The following OIT3 variants were observed in gnomAD, a reference collection of about 807,000 sequenced individuals.
OIT3 encodes oncoprotein induced transcript 3.
Under a neutral mutation model 52.2 loss-of-function variants are expected in OIT3, and 41 were observed. That is an observed-to-expected ratio of 0.79 (90% CI 0.61 to 1.02). The LOEUF (loss-of-function observed/expected upper bound fraction) is 1.02, where lower values mean the gene tolerates loss of function less well. Among genes scored for constraint, OIT3 ranks in the 50% least tolerant of loss-of-function variants. The pLI is 0.00. For missense variants in OIT3, 634 were observed against 715.5 expected (o/e 0.89, Z 1.30); for synonymous variants, 244 against 276.9 (o/e 0.88, Z 1.18).
intron 1 of OIT3, among the ~76,000 whole-genome samples, chr10:72,897,512 T>C (rs1003044288): frequency 6.6e-6 from 1 of 152,226 alleles, no homozygotes; most frequent in Non-Finnish European, 1.5e-5. Flanking sequence ...GTAAAATATA[T>C]ACCAAAATTC....
chr10:72,898,768 AATGGGG>A lies in OIT3; in HGVS notation c.168_173del (p.Asn56_Glu58delinsLys). On this transcript the variant is annotated inframe_deletion, in exon 2 of 9. Coordinates refer to ENST00000334011, the MANE Select transcript of OIT3 (RefSeq NM_152635.3). ...TCCTCCTCTATGTGACAACCATGTG[AATGGGG>A]AGTGGTACCACTTCACGGGCATGGC... 2 of 1,614,096 alleles carry A rather than the reference AATGGGG, an allele frequency of 1.2e-6. No homozygotes were observed. Among genetic ancestry groups the A allele is most frequent in the Non-Finnish European group, 8.5e-7 (1 of 1,180,004 alleles).
In OIT3 at chr10:72,924,403, C is replaced by T; in HGVS notation, c.1126C>T (p.Pro376Ser). Reference sequence around the variant, plus strand: ...ATACGTTCCCAACCTTCGAAACTCCCCACTGGAAATCATGAGCCGAAATCA... The same window carrying T: ...ATACGTTCCCAACCTTCGAAACTCCTCACTGGAAATCATGAGCCGAAATCA... ...EGYVPNLRNS[P>S]LEIMSRNHGI... The change falls in exon 7 of 9, where the codon CCA (proline) becomes TCA (serine). Residue 376 changes from proline (P) to serine (S), a missense_variant. Pro to Ser is a moderately conservative substitution (Grantham distance 74). Coordinates refer to ENST00000334011, the MANE Select transcript of OIT3 (RefSeq NM_152635.3). 1.2e-6 allele frequency: 2 copies of T among 1,614,092 alleles called. No homozygotes were observed.
rs1845903543 is a variant in OIT3, at chr10:72,899,053, TG to T, written c.436+16del. ...CTACTGTGGTCGTGAGTACCTTCCC[TG>T]TGCTCTTTTTCTCCACCAACAAGGC... On this transcript the variant is annotated intron_variant, in intron 2 of 8. Transcript: ENST00000334011. The T allele has an allele frequency of 6.3e-7, 1 of 1,576,618 alleles. No individual in the cohort carries two copies. Among genetic ancestry groups the T allele is most frequent in the African/African-American group, 1.4e-5 (1 of 74,058 alleles).
At chr10:72,920,870 T>A (rs1846115155) in intron 6 of OIT3, among the ~76,000 whole-genome samples, 1 of 152,222 alleles carries the variant, frequency 6.6e-6, no homozygotes, top group African/African-American at 2.4e-5. Context: ...AGAGTAAGTA[T>A]CATATGGTGA....
At chr10:72,898,314 T>C (rs1845895513) in intron 1 of OIT3, among the ~76,000 whole-genome samples, 1 of 152,040 alleles carries the variant, frequency 6.6e-6, no homozygotes, top group African/African-American at 2.4e-5. Flanking sequence ...AGTCTCCATG[T>C]ATGAACAAAA....
At chr10:72,904,786 T>A (rs905343218) in intron 3 of OIT3, among the ~76,000 whole-genome samples, 2 of 127,786 alleles carry the variant, frequency 1.6e-5, no homozygotes, top group African/African-American at 6.5e-5. Context: ...TCTGTTGTAG[T>A]TTTTTCTGTA....
At chr10:72,914,529 G>C (rs1329884638) in intron 6 of OIT3, among the ~76,000 whole-genome samples, 1 of 152,240 alleles carries the variant, frequency 6.6e-6, no homozygotes, top group African/African-American at 2.4e-5. Context: ...CTTGAGGCAA[G>C]TTATGTCGAT....
At chr10:72,899,703 TGATAGATA>T (rs373777568) in intron 2 of OIT3, among the ~76,000 whole-genome samples, 33,462 of 144,706 alleles carry the variant, frequency 0.23, 3,814 homozygotes, top group Middle Eastern at 0.25. Context: ...GATAGATAGA[TGATAGATA>T]GATAGATAGA....
chr10:72,927,527 T>A (rs547712556), intron 7 of OIT3, among the ~76,000 whole-genome samples: 1 of 152,328 alleles, frequency 6.6e-6, no homozygotes, highest in East Asian at 1.9e-4. Context: ...AAAATATATA[T>A]GCTCTAGAAG....
intron 6 of OIT3, among the ~76,000 whole-genome samples, chr10:72,915,271 A>T (rs1041108811): frequency 6.6e-6 from 1 of 152,190 alleles, no homozygotes; most frequent in Admixed American, 6.5e-5. Context: ...ATAATGGGCT[A>T]ATTAGGAGGT....
intron 3 of OIT3, among the ~76,000 whole-genome samples, chr10:72,903,795 C>T (rs1845953979): frequency 6.6e-6 from 1 of 152,080 alleles, no homozygotes; most frequent in Non-Finnish European, 1.5e-5. Context: ...AATGGAACTG[C>T]TGGGGCATAG....
At chr10:72,906,938 A>C (rs1279103496) in intron 4 of OIT3, among the ~76,000 whole-genome samples, 1 of 152,196 alleles carries the variant, frequency 6.6e-6, no homozygotes, top group Non-Finnish European at 1.5e-5. Context: ...ATTTTGCAAG[A>C]GGCAGAAAGC....
chr10:72,902,662 A>G (rs560655168), intron 3 of OIT3, among the ~76,000 whole-genome samples: 26 of 152,354 alleles, frequency 1.7e-4, no homozygotes, highest in Middle Eastern at 3.4e-3. Flanking sequence ...ATGGCAGAAG[A>G]TGAATGAGAA....
chr10:72,909,699 C>A (rs191814998), intron 4 of OIT3, among the ~76,000 whole-genome samples: 24 of 152,188 alleles, frequency 1.6e-4, no homozygotes, highest in Non-Finnish European at 3.1e-4. Flanking sequence ...CCAGGTCAAG[C>A]GATTCTCCTG....
intron 3 of OIT3, among the ~76,000 whole-genome samples, chr10:72,903,507 C>T (rs971890914): frequency 1.4e-4 from 21 of 152,160 alleles, no homozygotes; most frequent in African/African-American, 4.8e-4. Context: ...GGATTACAGG[C>T]GTGAGCCACC....
At chr10:72,924,160 G>C (rs1473142054) in intron 6 of OIT3, 69 bp from the exon 7 acceptor site, 13 of 1,325,336 alleles carry the variant, frequency 9.8e-6, no homozygotes, top group Non-Finnish European at 1.4e-5. Context: ...TAAGGTGAGA[G>C]GAGGGGGAAA....
At chr10:72,921,231 A>AGGAT (rs1846118546) in intron 6 of OIT3, among the ~76,000 whole-genome samples, 1 of 152,192 alleles carries the variant, frequency 6.6e-6, no homozygotes, top group South Asian at 2.1e-4. Context: ...GTTGGAAGCT[A>AGGAT]GGATTGCAAC....
In OIT3 at chr10:72,900,374, T is replaced by C; in HGVS notation, c.437-3T>C. On this transcript the variant is annotated splice_region_variant and splice_polypyrimidine_tract_variant and intron_variant, in intron 2 of 8. Coordinates refer to ENST00000334011, the MANE Select transcript of OIT3 (RefSeq NM_152635.3). ...CATGAAGATAATCTTTATTCTTCCA[T>C]AGATTTTTATGACATCTGCGACGAG... is the stretch of plus-strand genomic sequence containing the variant. 3 of 1,546,032 alleles carry C rather than the reference T, an allele frequency of 1.9e-6. No individual in the cohort carries two copies. The highest frequency in any genetic ancestry group is 2.7e-6 in the Non-Finnish European group (3 of 1,120,218).
intron 6 of OIT3, 197 bp downstream of exon 6, chr10:72,913,665 T>C: frequency 1.5e-6 from 1 of 680,844 alleles, no homozygotes; most frequent in Non-Finnish European, 2.7e-6. Flanking sequence ...CTGTGAAGAA[T>C]TCTGCTATTC....
Sources: gnomAD v4.1 joint callset for allele counts (sites outside exome capture counted in the v4.1 genomes callset) on GRCh38, gnomAD v4.1.1 for gene constraint, MANE v1.5 for transcripts, NCBI Gene and HGNC (gene_info 2026-07-23, HGNC 2026-07-21) for gene names.